CPQ: variants seen among roughly 807,000 people sequenced by gnomAD.
CPQ encodes the protein Ser-Met dipeptidase.
CPQ carries 37 observed loss-of-function variants against 45.7 expected under a neutral mutation model. The observed-to-expected ratio is 0.81, with a 90% CI of 0.62 to 1.07. The LOEUF is 1.07. Ranked by LOEUF, CPQ falls within the 50% of genes least tolerant of loss-of-function variation. CPQ has a pLI of 0.00. For missense variants in CPQ, 537 were observed against 572.9 expected, an observed-to-expected ratio of 0.94 and a Z score of 0.64; for synonymous variants, 186 against 205.8, an observed-to-expected ratio of 0.90 and a Z score of 0.82.
chr8:97,126,820 G>T (rs1485996734), intron 7 of CPQ, among the ~76,000 whole-genome samples: 1 of 152,098 alleles, frequency 6.6e-6, no homozygotes, highest in Admixed American at 6.6e-5. Flanking sequence ...TGTGGTATTG[G>T]CATATTGGCA....
chr8:97,025,027 A>G (rs891284246), intron 5 of CPQ, among the ~76,000 whole-genome samples: 1 of 152,198 alleles, frequency 6.6e-6, no homozygotes, highest in Non-Finnish European at 1.5e-5. Flanking sequence ...TATTGTTAAG[A>G]AACAGTGTTC....
intron 4 of CPQ, among the ~76,000 whole-genome samples, chr8:96,884,750 C>G (rs1812276850): frequency 6.6e-6 from 1 of 152,098 alleles, no homozygotes; most frequent in Non-Finnish European, 1.5e-5. Flanking sequence ...AGCAGACTTT[C>G]CTAAAATCAT....
intron 6 of CPQ, among the ~76,000 whole-genome samples, chr8:97,030,821 A>G (rs764793751): frequency 1.3e-5 from 2 of 152,212 alleles, no homozygotes; most frequent in Non-Finnish European, 2.9e-5. Flanking sequence ...AAGAAATTAC[A>G]TCTAAGCTGA....
At chr8:97,059,268 C>T (rs1444021793) in intron 6 of CPQ, among the ~76,000 whole-genome samples, 1 of 152,080 alleles carries the variant, frequency 6.6e-6, no homozygotes, top group Non-Finnish European at 1.5e-5. Flanking sequence ...TTCCTGTCTC[C>T]AGGTACGATG....
chr8:96,727,761 ACTAT>A (rs1294570480), intron 1 of CPQ, among the ~76,000 whole-genome samples: 3 of 152,138 alleles, frequency 2.0e-5, no homozygotes, highest in African/African-American at 7.2e-5. Context: ...TTAATATAAC[ACTAT>A]CAGGAGCAGT....
chr8:96,820,894 A>G (rs1161509741), intron 2 of CPQ, among the ~76,000 whole-genome samples: 1 of 151,946 alleles, frequency 6.6e-6, no homozygotes, highest in Non-Finnish European at 1.5e-5. Context: ...TTCATACTGT[A>G]CATTAGGCTG....
intron 6 of CPQ, among the ~76,000 whole-genome samples, chr8:97,058,043 G>T (rs1280013922): frequency 6.6e-6 from 1 of 152,106 alleles, no homozygotes; most frequent in Non-Finnish European, 1.5e-5. Flanking sequence ...TAAAGTTGTG[G>T]TTAGCATCTT....
intron 1 of CPQ, among the ~76,000 whole-genome samples, chr8:96,718,894 CG>C (rs952169779): frequency 6.6e-6 from 1 of 152,178 alleles, no homozygotes; most frequent in Non-Finnish European, 1.5e-5. Context: ...GAGCTAGACA[CG>C]GGTGCTGATT....
chr8:96,703,769 G>A (rs1476145922), intron 1 of CPQ, among the ~76,000 whole-genome samples: 1 of 152,160 alleles, frequency 6.6e-6, no homozygotes, highest in African/African-American at 2.4e-5. Context: ...GAGGTTATCA[G>A]CCACTTGTAT....
chr8:97,104,813 T>G (rs1811376060), intron 7 of CPQ, among the ~76,000 whole-genome samples: 1 of 152,158 alleles, frequency 6.6e-6, no homozygotes, highest in Non-Finnish European at 1.5e-5. Flanking sequence ...TAGGTCATCA[T>G]CCCTGAGGGT....
intron 4 of CPQ, among the ~76,000 whole-genome samples, chr8:96,939,681 T>A (rs1001308529): frequency 6.6e-6 from 1 of 152,214 alleles, no homozygotes; most frequent in Non-Finnish European, 1.5e-5. Flanking sequence ...CACTCCATTG[T>A]GTGAATATGC....
At chr8:96,942,690 C>T (rs1813139791) in intron 4 of CPQ, among the ~76,000 whole-genome samples, 1 of 152,102 alleles carries the variant, frequency 6.6e-6, no homozygotes, top group African/African-American at 2.4e-5. Context: ...AATGTATATT[C>T]CTTTAAACAC....
At chr8:97,046,722 C>G (rs1429038821) in intron 6 of CPQ, among the ~76,000 whole-genome samples, 1 of 152,196 alleles carries the variant, frequency 6.6e-6, no homozygotes, top group African/African-American at 2.4e-5. Context: ...CAGGTAGTAA[C>G]TGAGGGCTGG....
intron 1 of CPQ, among the ~76,000 whole-genome samples, chr8:96,722,488 G>A (rs926004500): frequency 2.6e-5 from 4 of 152,092 alleles, no homozygotes; most frequent in African/African-American, 9.7e-5. Flanking sequence ...GCGTAGTTAG[G>A]ATAGAGACAT....
chr8:96,726,122 A>G (rs1388802752), intron 1 of CPQ, among the ~76,000 whole-genome samples: 1 of 152,054 alleles, frequency 6.6e-6, no homozygotes, highest in Non-Finnish European at 1.5e-5. Context: ...AAGGGGTGAA[A>G]AATTACCTGT....
intron 2 of CPQ, among the ~76,000 whole-genome samples, chr8:96,834,642 A>G (rs1301918274): frequency 6.6e-6 from 1 of 152,220 alleles, no homozygotes; most frequent in South Asian, 2.1e-4. Flanking sequence ...AATGATTAGC[A>G]TCATTCTTTG....
At chr8:97,099,115 C>CTCT (rs1554589610) in intron 7 of CPQ, among the ~76,000 whole-genome samples, 73 of 66,360 alleles carry the variant, frequency 1.1e-3, no homozygotes, top group African/African-American at 2.5e-3. Flanking sequence ...CCTTCTCTCT[C>CTCT]TTTTTTTTTT....
intron 2 of CPQ, among the ~76,000 whole-genome samples, chr8:96,789,909 GTAGGTATGACC>G (rs1206933558): frequency 6.6e-6 from 1 of 152,132 alleles, no homozygotes; most frequent in Non-Finnish European, 1.5e-5. Context: ...TTGTTCCTGA[GTAGGTATGACC>G]TAGGACATGT....
At chr8:96,987,811 A>G (rs1809017219) in intron 5 of CPQ, among the ~76,000 whole-genome samples, 1 of 152,218 alleles carries the variant, frequency 6.6e-6, no homozygotes, top group Non-Finnish European at 1.5e-5. Context: ...TATGGAAGAT[A>G]GATTTTATTT....
Sources: gnomAD v4.1 joint callset for allele counts (sites outside exome capture counted in the v4.1 genomes callset) on GRCh38, gnomAD v4.1.1 for gene constraint, MANE v1.5 for transcripts, NCBI Gene and HGNC (gene_info 2026-07-23, HGNC 2026-07-21) for gene names.